Variants in WASF2 observed in about 807,000 individuals in gnomAD.
WASF2 encodes WASP family member 2, also known as actin-binding protein WASF2.
A neutral mutation model predicts 45.0 loss-of-function variants in WASF2; 14 were observed. That is an observed-to-expected ratio of 0.31 (90% CI 0.21 to 0.49). The LOEUF (loss-of-function observed/expected upper bound fraction) is 0.49. Ranked by LOEUF, WASF2 falls within the 20% of genes least tolerant of loss-of-function variation. The probability of loss-of-function intolerance (pLI) is 0.99; values close to 1 mark genes in which losing one functional copy is unlikely to be tolerated. For synonymous variants in WASF2, 200 were observed against 236.3 expected (o/e 0.85, Z 1.41); for missense variants, 439 against 636.1 (o/e 0.69, Z 3.33).
At chr1:27,488,551 C>A (rs1404253160) in intron 1 of WASF2, among the ~76,000 whole-genome samples, 1 of 152,190 alleles carries the variant, frequency 6.6e-6, no homozygotes, top group Non-Finnish European at 1.5e-5. Context: ...TTTCTACAGG[C>A]AACCCTACCA....
chr1:27,477,277 C>T (rs1024572340), intron 1 of WASF2, among the ~76,000 whole-genome samples: 3 of 152,124 alleles, frequency 2.0e-5, no homozygotes, highest in African/African-American at 4.8e-5. Context: ...CGGTGGCTCA[C>T]GCCTGTAATC....
chr1:27,463,565 G>C (rs2017575606), intron 1 of WASF2, among the ~76,000 whole-genome samples: 1 of 147,526 alleles, frequency 6.8e-6, no homozygotes, highest in Non-Finnish European at 1.5e-5. Context: ...GGAGCTTGCA[G>C]TGAGCCGAGA....
chr1:27,479,693 C>G (rs551993521), intron 1 of WASF2, among the ~76,000 whole-genome samples: 45 of 152,166 alleles, frequency 3.0e-4, no homozygotes, highest in South Asian at 2.1e-4. Context: ...GGTGAAACCC[C>G]GTCTCTACTA....
At chr1:27,420,881 T>C (rs1421453892) in intron 2 of WASF2, among the ~76,000 whole-genome samples, 1 of 152,118 alleles carries the variant, frequency 6.6e-6, no homozygotes, top group Non-Finnish European at 1.5e-5. Flanking sequence ...CCCAATCAAA[T>C]GATAATCTTT....
chr1:27,463,879 C>T (rs1458407287), intron 1 of WASF2, among the ~76,000 whole-genome samples: 2 of 150,066 alleles, frequency 1.3e-5, no homozygotes, highest in South Asian at 2.1e-4. Flanking sequence ...CTTGGCTCAC[C>T]GCAACCTCAG....
In WASF2 at chr1:27,419,078, T is replaced by C. The variant is rs1276591915; in HGVS notation, c.141A>G (p.Ala47=). The change falls in exon 3 of 9, where the codon GCA becomes GCG. Residue 47 remains alanine, a synonymous_variant. Coordinates refer to ENST00000618852, the MANE Select transcript of WASF2 (RefSeq NM_006990.5). ...IRQLGSLSKY[A]EDIFGELFTQ... is the part of the protein sequence containing the mutation. The stretch of plus-strand genomic sequence containing the variant: ...TAAAGAGCTCTCCAAAAATGTCCTC[T>C]GCATATTTACCTGGAAAGAGCAAAG... The C allele has an allele frequency of 1.9e-6, 3 of 1,613,904 alleles. No homozygotes were observed. Among genetic ancestry groups the C allele is most frequent in the Admixed American group, 3.3e-5 (2 of 59,964 alleles).
rs60938713 is a variant in WASF2 at position 27,445,849 on chromosome 1, T to G, written c.-43-16916A>C. Among the ~76,000 whole-genome samples the G allele has an allele frequency of 4.6e-3, 701 of 152,078 alleles. 6 individuals carry two copies. Among genetic ancestry groups the G allele is most frequent in the African/African-American group, 0.016 (665 of 41,538 alleles). Reference sequence around the variant, plus strand: ...ATCTTCTCATCAGGGACTTTTTTTTTTTTTTTAAAGCACCTAATCTTCCAT... The same window carrying G: ...ATCTTCTCATCAGGGACTTTTTTTTGTTTTTTAAAGCACCTAATCTTCCAT... On this transcript the variant is annotated intron_variant, in intron 1 of 8. Coordinates refer to ENST00000618852, the MANE Select transcript of WASF2 (RefSeq NM_006990.5).
At chr1:27,470,457 G>A (rs2017673786) in intron 1 of WASF2, among the ~76,000 whole-genome samples, 1 of 152,076 alleles carries the variant, frequency 6.6e-6, no homozygotes, top group Non-Finnish European at 1.5e-5. Context: ...ATCTGAGAGT[G>A]TCTGGGCATG....
In WASF2 at chr1:27,410,284, A is replaced by C. The variant is rs1266218305; in HGVS notation, c.825-78T>G. ...TATCTACAGTTAGCCTTGTCTACAG[A>C]CCGAGGTTTATCTTGGTTGACTATA... is the stretch of plus-strand genomic sequence containing the variant. On this transcript the variant is annotated intron_variant, in intron 7 of 8. Coordinates refer to ENST00000618852, the MANE Select transcript of WASF2 (RefSeq NM_006990.5). This position sits in a 1 kb window ranked among gnomAD's most constrained non-coding sequence, Gnocchi z 4.2. The C allele has an allele frequency of 3.8e-6, 6 of 1,568,556 alleles. No individual in the cohort carries two copies. The highest frequency in any genetic ancestry group is 2.3e-5 in the East Asian group (1 of 44,050).
In WASF2 at chr1:27,416,121, C is replaced by A; in HGVS notation, c.420-19G>T. The A allele has an allele frequency of 6.2e-7, 1 of 1,605,686 alleles. No homozygotes were observed. Among genetic ancestry groups the A allele is most frequent in the South Asian group, 1.1e-5 (1 of 90,880 alleles). On this transcript the variant is annotated intron_variant, in intron 4 of 8. Coordinates refer to ENST00000618852, the MANE Select transcript of WASF2 (RefSeq NM_006990.5). ...ATCGTCCCTGGGATAGAAATGAAGA[C>A]AAGTAGCTGTCAGTAGACAGATGAG...
In WASF2 at chr1:27,410,050, A is replaced by G. The variant is rs375848071; in HGVS notation, c.981T>C (p.Pro327=). ...APPPAPPPPP[P]PMIGIPPPPP... is the part of the protein sequence containing the mutation. ...GTGGAGGTGGGATGCCTATCATTGG[A>G]GGCGGAGGTGGCGGAGGGGCAGGTG... is the stretch of plus-strand genomic sequence containing the variant. The change falls in exon 8 of 9, where the codon CCT becomes CCC. Residue 327 remains proline (P), a synonymous_variant. Coordinates refer to ENST00000618852, the MANE Select transcript of WASF2 (RefSeq NM_006990.5). This position sits in a 1 kb window ranked among gnomAD's most constrained non-coding sequence, Gnocchi z 4.2. 13 of 1,612,746 alleles carry G rather than the reference A, an allele frequency of 8.1e-6. No homozygotes were observed. Among genetic ancestry groups the G allele is most frequent in the African/African-American group, 1.3e-5 (1 of 74,694 alleles).
intron 2 of WASF2, among the ~76,000 whole-genome samples, chr1:27,422,839 A>C (rs1159869279): frequency 2.0e-5 from 3 of 151,950 alleles, no homozygotes; most frequent in Non-Finnish European, 2.9e-5. Context: ...TACATGACTT[A>C]AGAGTGTAAA....
chr1:27,418,548 T>A (rs1211016998), intron 3 of WASF2, 126 bp from the exon 4 acceptor site: 2 of 1,329,696 alleles, frequency 1.5e-6, no homozygotes, highest in Non-Finnish European at 2.1e-6. Context: ...CCAGGCTTTT[T>A]TTTTCCCTCC....
chr1:27,408,486 CAGA>C (rs1158561247), intron 8 of WASF2, 140 bp from the exon 9 acceptor site: 39 of 1,209,206 alleles, frequency 3.2e-5, no homozygotes, highest in Middle Eastern at 3.9e-4. Context: ...TATGGAAAAG[CAGA>C]AGAAGATGAG....
At chr1:27,457,356 C>T (rs995172260) in intron 1 of WASF2, 3 of 151,432 alleles carry the variant, frequency 2.0e-5, no homozygotes, top group African/African-American at 7.3e-5. Context: ...CAGGTGGATC[C>T]CCTGAGCTCA....
intron 1 of WASF2, among the ~76,000 whole-genome samples, chr1:27,436,298 T>G (rs774613030): frequency 6.6e-6 from 1 of 151,916 alleles, no homozygotes; most frequent in Non-Finnish European, 1.5e-5. Context: ...ACAAAAAGAT[T>G]AGCTGGGTGT....
intron 1 of WASF2, among the ~76,000 whole-genome samples, chr1:27,451,083 T>C (rs992490518): frequency 6.6e-5 from 10 of 152,116 alleles, no homozygotes; most frequent in Non-Finnish European, 1.0e-4. Context: ...ATATTGTCTT[T>C]GTATAAAGTA....
chr1:27,420,526 T>TA, intron 2 of WASF2, among the ~76,000 whole-genome samples: 1 of 142,896 alleles, frequency 7.0e-6, no homozygotes, highest in East Asian at 2.0e-4. Flanking sequence ...TTTTTTTTTT[T>TA]TTTTTTTTTT....
chr1:27,488,847 C>CTGCCCTTTACTG (rs891997415), intron 1 of WASF2, among the ~76,000 whole-genome samples: 2 of 152,200 alleles, frequency 1.3e-5, no homozygotes, highest in Middle Eastern at 3.2e-3. Context: ...TAAGTAACCT[C>CTGCCCTTTACTG]TGCCCTTTAC....
Sources: gnomAD v4.1 joint callset for allele counts (sites outside exome capture counted in the v4.1 genomes callset) on GRCh38, gnomAD v4.1.1 for gene constraint, Gnocchi (gnomAD v3.1) non-coding constraint, MANE v1.5 for transcripts, NCBI Gene and HGNC (gene_info 2026-07-23, HGNC 2026-07-21) for gene names.